The following TXNDC16 variants were observed in gnomAD, a reference collection of about 807,000 sequenced individuals.
The protein encoded by TXNDC16 is thioredoxin domain-containing protein 16.
TXNDC16 carries 74 observed loss-of-function variants against 85.6 expected under a neutral mutation model. That is an observed-to-expected ratio of 0.86 (90% CI 0.72 to 1.05). The LOEUF is 1.05. Among genes scored for constraint, TXNDC16 ranks in the 50% least tolerant of loss-of-function variants. The pLI is 0.00. For synonymous variants in TXNDC16, 335 were observed against 326.5 expected (o/e 1.03, Z -0.28); for missense variants, 959 against 947.0 (o/e 1.01, Z -0.17).
chr14:52,472,595 T>C (rs897197467), intron 14 of TXNDC16, among the ~76,000 whole-genome samples: 3 of 152,256 alleles, frequency 2.0e-5, no homozygotes, highest in Non-Finnish European at 4.4e-5. Context: ...CTGATATTTC[T>C]TCACAAATTT....
chr14:52,487,791 C>A (rs1325559913), intron 12 of TXNDC16, among the ~76,000 whole-genome samples: 5 of 152,264 alleles, frequency 3.3e-5, no homozygotes, highest in Non-Finnish European at 7.4e-5. Context: ...AAAGTGGTAT[C>A]AGCTAACTCA....
At chr14:52,480,065 A>C (rs1030534437) in intron 14 of TXNDC16, among the ~76,000 whole-genome samples, 1 of 152,116 alleles carries the variant, frequency 6.6e-6, no homozygotes, top group Non-Finnish European at 1.5e-5. Context: ...TAAAGTGGGG[A>C]AAGACCTATT....
intron 2 of TXNDC16, 143 bp from the exon 3 acceptor site, chr14:52,543,773 G>A: frequency 1.3e-5 from 6 of 469,296 alleles, no homozygotes; most frequent in East Asian, 8.5e-5. Flanking sequence ...ATTTGAGGGG[G>A]GACAATATAT....
intron 6 of TXNDC16, among the ~76,000 whole-genome samples, chr14:52,522,989 A>T (rs1408446302): frequency 2.0e-5 from 3 of 152,184 alleles, no homozygotes; most frequent in Non-Finnish European, 4.4e-5. Context: ...CATAATAATA[A>T]CCAAAACTAA....
At chr14:52,484,207 G>C (rs1406657532) in intron 12 of TXNDC16, among the ~76,000 whole-genome samples, 1 of 148,680 alleles carries the variant, frequency 6.7e-6, no homozygotes, top group African/African-American at 2.5e-5. Flanking sequence ...AAGGGGGGGG[G>C]GTGATTGGAG....
chr14:52,483,037 A>G (rs2036186186), intron 12 of TXNDC16, 72 bp from the exon 13 acceptor site: 3 of 1,273,102 alleles, frequency 2.4e-6, no homozygotes. Flanking sequence ...TTCTCATAGG[A>G]AGCATATAAT....
intron 1 of TXNDC16, among the ~76,000 whole-genome samples, chr14:52,549,772 G>C (rs1384178287): frequency 6.6e-6 from 1 of 151,864 alleles, no homozygotes; most frequent in Non-Finnish European, 1.5e-5. Flanking sequence ...CAAGTAGCTA[G>C]GACTACAGGC....
chr14:52,436,571 A>T (rs1455957681), intron 20 of TXNDC16, among the ~76,000 whole-genome samples: 1 of 152,190 alleles, frequency 6.6e-6, no homozygotes, highest in East Asian at 1.9e-4. Flanking sequence ...ATTTTATGGT[A>T]TATTATATTT....
intron 16 of TXNDC16, among the ~76,000 whole-genome samples, chr14:52,461,456 A>G (rs2035650760): frequency 6.6e-6 from 1 of 152,150 alleles, no homozygotes; most frequent in Non-Finnish European, 1.5e-5. Context: ...GGAATGACTC[A>G]GACATTTTAT....
At chr14:52,447,277 CCCTGTGGG>C (rs1321122591) in intron 18 of TXNDC16, among the ~76,000 whole-genome samples, 1 of 152,162 alleles carries the variant, frequency 6.6e-6, no homozygotes, top group Non-Finnish European at 1.5e-5. Context: ...TGCCAGTACT[CCCTGTGGG>C]CCTGTGGTAG....
In TXNDC16 at chr14:52,439,232, T is replaced by C. The variant is rs779014538; in HGVS notation, c.2166A>G (p.Lys722=). 4.0e-5 allele frequency: 65 copies of C among 1,613,900 alleles called. No homozygotes were observed. Among genetic ancestry groups the C allele is most frequent in the Non-Finnish European group, 5.4e-5 (64 of 1,179,968 alleles). ...IEENLVLWLK[K]LEAGLENHIT... The stretch of plus-strand genomic sequence containing the variant: ...TATGATTTTCTAGTCCTGCTTCTAA[T>C]TTCTTCAGCCACAATACAAGGTTTT... Residue 722 remains lysine, a synonymous_variant, in exon 20 of 21, where the codon AAA becomes AAG. Transcript: ENST00000281741.
intron 6 of TXNDC16, among the ~76,000 whole-genome samples, chr14:52,533,434 G>A (rs527839181): frequency 6.6e-6 from 1 of 152,214 alleles, no homozygotes; most frequent in East Asian, 1.9e-4. Flanking sequence ...AACGGTCACA[G>A]AATGGTTTAT....
chr14:52,539,499 G>C (rs532033080), intron 4 of TXNDC16, among the ~76,000 whole-genome samples: 8 of 152,268 alleles, frequency 5.3e-5, no homozygotes, highest in Non-Finnish European at 4.4e-5. Flanking sequence ...GTTTCTATTT[G>C]ATCATAATTG....
chr14:52,539,240 G>A (rs922126758), intron 4 of TXNDC16, among the ~76,000 whole-genome samples: 1 of 152,190 alleles, frequency 6.6e-6, no homozygotes, highest in African/African-American at 2.4e-5. Context: ...ATCAAGGAAG[G>A]CTTCTCTGAA....
chr14:52,459,740 T>C (rs2035611701), intron 16 of TXNDC16, among the ~76,000 whole-genome samples: 1 of 152,166 alleles, frequency 6.6e-6, no homozygotes, highest in Non-Finnish European at 1.5e-5. Flanking sequence ...GCTTCATCCC[T>C]GGGATGCAAG....
chr14:52,439,308 T>A lies in TXNDC16; in HGVS notation c.2090A>T (p.His697Leu). The A allele has an allele frequency of 3.7e-6, 6 of 1,613,930 alleles. No individual in the cohort carries two copies. Among genetic ancestry groups the A allele is most frequent in the Non-Finnish European group, 5.1e-6 (6 of 1,179,902 alleles). The change falls in exon 20 of 21, where the codon CAT (histidine) becomes CTT (leucine). Residue 697 changes from histidine (H) to leucine (L), a missense_variant. Physicochemically the swap from His to Leu is moderately conservative, Grantham distance 99. Coordinates refer to ENST00000281741, the MANE Select transcript of TXNDC16 (RefSeq NM_020784.3). ...PLPLLVLVNL[H>L]SGGQVFAFPS... The stretch of plus-strand genomic sequence containing the variant: ...AAATGCAAATACTTGGCCACCTGAA[T>A]GCAGATTCACCAAAACAAGAAGAGG...
intron 9 of TXNDC16, among the ~76,000 whole-genome samples, chr14:52,493,216 T>C (rs796111612): frequency 0.32 from 36,921 of 115,834 alleles, 5,318 homozygotes; most frequent in East Asian, 0.51. Context: ...TATATATATA[T>C]ACACACACAC....
At chr14:52,522,013 G>A (rs1174907359) in intron 6 of TXNDC16, among the ~76,000 whole-genome samples, 3 of 152,210 alleles carry the variant, frequency 2.0e-5, no homozygotes, top group Non-Finnish European at 4.4e-5. Flanking sequence ...TGGCAATGGA[G>A]TCTCAGTGGC....
chr14:52,500,598 T>C (rs2036634459), intron 9 of TXNDC16, among the ~76,000 whole-genome samples: 1 of 152,198 alleles, frequency 6.6e-6, no homozygotes, highest in Non-Finnish European at 1.5e-5. Context: ...GAGGGTAATC[T>C]TACACGGTTT....
Sources: gnomAD v4.1 joint callset for allele counts (sites outside exome capture counted in the v4.1 genomes callset) on GRCh38, gnomAD v4.1.1 for gene constraint, MANE v1.5 for transcripts, NCBI Gene and HGNC (gene_info 2026-07-23, HGNC 2026-07-21) for gene names.